The following ITIH6 variants were observed in gnomAD, a reference collection of about 807,000 sequenced individuals.
ITIH6 encodes inter-alpha-trypsin inhibitor heavy chain H6.
In ITIH6, 60 loss-of-function variants were observed where a neutral mutation model predicts 58.2. That is an observed-to-expected ratio of 1.03 (90% CI 0.84 to 1.28). The LOEUF is 1.28. ITIH6 is among the 50% of genes most tolerant of loss of function. The probability of loss-of-function intolerance (pLI) is 0.00; values close to 1 mark genes in which losing one functional copy is unlikely to be tolerated. For synonymous variants in ITIH6, 493 were observed against 417.4 expected (o/e 1.18, Z -2.21); for missense variants, 1,290 against 1,021.1 (o/e 1.26, Z -3.59).
At chrX:54,775,184 A>G (rs1283588561) in intron 5 of ITIH6, among the ~76,000 whole-genome samples, 1 of 111,790 alleles carries the variant, frequency 8.9e-6, no homozygotes, top group Non-Finnish European at 1.9e-5. Context: ...TGTCACCCAC[A>G]TTACAACTGC....
Position 54,758,998 on chromosome X carries a change from C to A in ITIH6, c.1076G>T (p.Trp359Leu). 1 of 1,138,708 alleles carries A rather than the reference C, an allele frequency of 8.8e-7. No individual in the cohort carries two copies. The highest frequency in any genetic ancestry group is 1.2e-6 in the Non-Finnish European group (1 of 853,351). The allele number at this position is 1,138,708 out of a possible 1,213,427, so 93.8% of individuals were successfully genotyped here. The change falls in exon 8 of 13, where the codon TGG becomes TTG. Residue 359 changes from tryptophan (W) to leucine (L), a missense_variant and splice_region_variant. Trp to Leu is a moderately conservative substitution (Grantham distance 61). Transcript: ENST00000218436. ...DYLHCMEADG[W>L]TDVNSALLAA... is the part of the protein sequence containing the mutation. ...CAGCAGAGCTGAGTTGACGTCTGTC[C>A]CTAATTGGGGAATAGATTGTGAGAC...
chrX:54,751,837 A>C (rs1928369154), intron 11 of ITIH6, among the ~76,000 whole-genome samples: 1 of 111,744 alleles, frequency 8.9e-6, no homozygotes, highest in South Asian at 3.7e-4. Context: ...TGATGTGTAT[A>C]TGGAGTGTCA....
At position 54,792,023 on chromosome X, in the gene ITIH6, T is replaced by C. The variant is rs183201894; in HGVS notation, c.271A>G (p.Lys91Glu). Residue 91 changes from lysine (K) to glutamate (E), a missense_variant, in exon 3 of 13, where the codon AAA (lysine) becomes GAA (glutamate). Transcript: ENST00000218436. The part of the protein sequence containing the change: ...ISNFTMTINN[K>E]VYIAEVKEKH... ...TCTTTGACTTCTGCAATGTAGACTT[T>C]ATTGTTGATGGTCCTAATGGGGCAG... The C allele has an allele frequency of 1.6e-4, 187 of 1,198,697 alleles. No individual in the cohort carries two copies. Among genetic ancestry groups the C allele is most frequent in the Middle Eastern group, 2.3e-4 (1 of 4,317 alleles).
intron 8 of ITIH6, 122 bp from the exon 9 acceptor site, chrX:54,755,231 A>G: frequency 1.9e-6 from 1 of 521,497 alleles, no homozygotes; most frequent in Non-Finnish European, 3.3e-6. Context: ...CAGGACTGGG[A>G]CCTTATGCTC....
chrX:54,757,573 C>T lies in ITIH6; in HGVS notation c.2501G>A (p.Arg834Gln), dbSNP rs150010553. 21 of 1,207,975 alleles carry T rather than the reference C, an allele frequency of 1.7e-5. No individual in the cohort carries two copies. Among genetic ancestry groups the T allele is most frequent in the Non-Finnish European group, 2.2e-5 (20 of 894,509 alleles). The stretch of plus-strand genomic sequence containing the variant: ...AGGCCCCAGGTGTGGCATGTTGTTT[C>T]GGGTCTTGGGAGCAGGAACCCTAGG... ...TRPRVPAPKT[R>Q]NNMPHLGPGI... The change falls in exon 8 of 13, where the codon CGA becomes CAA. Residue 834 changes from arginine (R) to glutamine (Q), a missense_variant. Coordinates refer to ENST00000218436, the MANE Select transcript of ITIH6 (RefSeq NM_198510.3).
chrX:54,781,557 G>A (rs1178233415), intron 5 of ITIH6, among the ~76,000 whole-genome samples: 2 of 112,144 alleles, frequency 1.8e-5, no homozygotes, highest in Non-Finnish European at 3.8e-5. Flanking sequence ...AGTCAGAATG[G>A]CTACTGTTAA....
intron 6 of ITIH6, among the ~76,000 whole-genome samples, chrX:54,766,243 C>A (rs1445551013): frequency 9.4e-6 from 1 of 105,861 alleles, no homozygotes; most frequent in Non-Finnish European, 1.9e-5. Context: ...GATTTTGTAT[C>A]CTGAGACTTT....
intron 6 of ITIH6, among the ~76,000 whole-genome samples, chrX:54,770,580 C>G (rs1315842470): frequency 8.9e-6 from 1 of 112,439 alleles, no homozygotes; most frequent in Non-Finnish European, 1.9e-5. Context: ...AATCCACTTT[C>G]AAATAACACT....
At chrX:54,791,816 C>T in intron 3 of ITIH6, 110 bp downstream of exon 3, 1 of 460,567 alleles carries the variant, frequency 2.2e-6, no homozygotes, top group Non-Finnish European at 3.9e-6. Flanking sequence ...AAGTAGAGGT[C>T]ATGTCCCCAC....
At position 54,750,247 on chromosome X, in the gene ITIH6, T is replaced by G. The variant is rs767192000; in HGVS notation, c.3731-141A>C. The G allele has an allele frequency of 4.5e-4, 222 of 490,035 alleles. 2 individuals are homozygous for G. In the African/African-American group the frequency reaches 4.6e-3, roughly 10 times the overall value. 40.4% of individuals were successfully genotyped at this position (490,035 alleles called of 1,213,427 possible). A position where few individuals can be genotyped will look rare whatever the true frequency, so the allele number is the denominator to read the frequency against. ...AGCAAAAGACCAGAGGGAAGAGGCT[T>G]GGCATTGTGGGAACTGTACAGGAGC... On this transcript the variant is annotated intron_variant, in intron 12 of 12. Transcript: ENST00000218436.
chrX:54,793,095 G>A (rs890816365), intron 2 of ITIH6, among the ~76,000 whole-genome samples: 17 of 110,992 alleles, frequency 1.5e-4, no homozygotes, highest in African/African-American at 5.6e-4. Flanking sequence ...CTCCAGTGTG[G>A]ACTTGTGCCC....
intron 6 of ITIH6, among the ~76,000 whole-genome samples, chrX:54,765,184 C>A (rs1425222754): frequency 2.2e-5 from 1 of 45,459 alleles, no homozygotes; most frequent in Admixed American, 3.1e-4. Flanking sequence ...GAGTAGGTTG[C>A]GAAAATTTTC....
At position 54,757,432 on chromosome X, in the gene ITIH6, A is replaced by G. The variant is rs764812369; in HGVS notation, c.2642T>C (p.Met881Thr). The G allele has an allele frequency of 8.3e-7, 1 of 1,210,196 alleles. No homozygotes were observed. ...LSKPETPNPH[M>T]PQTPLPPRPD... The stretch of plus-strand genomic sequence containing the variant: ...TCTAGGAGGTAGTGGGGTTTGAGGC[A>G]TATGGGGGTTTGGGGTCTCAGGCTT... Residue 881 changes from methionine to threonine, a missense_variant, in exon 8 of 13, where the codon ATG becomes ACG. Physicochemically the swap from Met to Thr is moderately conservative, Grantham distance 81 (BLOSUM62 -1). Coordinates refer to ENST00000218436, the MANE Select transcript of ITIH6 (RefSeq NM_198510.3).
Position 54,750,993 on chromosome X carries a change from C to T in ITIH6, c.3730+10G>A. On this transcript the variant is annotated intron_variant, in intron 12 of 12. Transcript: ENST00000218436. ...GCTCCCTGGCCCCTCTCAGCCTCAGCTGCACTTACCTATCAGGCCACGGGC... is the reference window on the plus strand; with the variant it reads ...GCTCCCTGGCCCCTCTCAGCCTCAGTTGCACTTACCTATCAGGCCACGGGC... 1 of 1,139,362 alleles carries T rather than the reference C, an allele frequency of 8.8e-7. No individual in the cohort carries two copies. The highest frequency in any genetic ancestry group is 2.1e-5 in the South Asian group (1 of 47,457). The allele number at this position is 1,139,362 out of a possible 1,213,427, so 93.9% of individuals were successfully genotyped here.
chrX:54,786,966 G>A (rs1436334201), intron 5 of ITIH6, among the ~76,000 whole-genome samples: 1 of 111,668 alleles, frequency 9.0e-6, no homozygotes, highest in Non-Finnish European at 1.9e-5. Context: ...AGTGGGGGAT[G>A]AACTGAGTGT....
intron 6 of ITIH6, among the ~76,000 whole-genome samples, chrX:54,767,896 G>A (rs1392021222): frequency 1.3e-5 from 1 of 74,642 alleles, no homozygotes; most frequent in Admixed American, 1.5e-4. Context: ...TTCTGTAGAT[G>A]TCTATTAGGT....
At chrX:54,753,869 A>T in intron 10 of ITIH6, 61 bp downstream of exon 10, 1 of 1,145,112 alleles carries the variant, frequency 8.7e-7, no homozygotes, top group African/African-American at 1.8e-5. Flanking sequence ...CCCCAGCCCC[A>T]GTCCCAGTGC....
chrX:54,753,819 G>A (rs1299627075), intron 10 of ITIH6, 55 bp from the exon 11 acceptor site: 1 of 1,115,947 alleles, frequency 9.0e-7, no homozygotes, highest in Non-Finnish European at 1.2e-6. Flanking sequence ...AAGGGAGAGG[G>A]AAAGAGAGAG....
chrX:54,758,125 G>A lies in ITIH6; in HGVS notation c.1949C>T (p.Pro650Leu). 8.3e-7 allele frequency: 1 copy of A among 1,211,815 alleles called. No individual in the cohort carries two copies. Among genetic ancestry groups the A allele is most frequent in the Non-Finnish European group, 1.1e-6 (1 of 895,467 alleles). ...RHGLGVSTAQ[P>L]ALVPKVISPK... Reference sequence around the variant, plus strand: ...GGAGATGACCTTGGGCACCAAGGCTGGCTGAGCTGTGCTTACCCCTAGGCC... The same window carrying A: ...GGAGATGACCTTGGGCACCAAGGCTAGCTGAGCTGTGCTTACCCCTAGGCC... The change falls in exon 8 of 13, where the codon CCA (proline) becomes CTA (leucine). Residue 650 changes from proline to leucine, a missense_variant. Pro to Leu is a moderately conservative substitution (Grantham distance 98, BLOSUM62 -3). Coordinates refer to ENST00000218436, the MANE Select transcript of ITIH6 (RefSeq NM_198510.3).
Sources: gnomAD v4.1 joint callset for allele counts (sites outside exome capture counted in the v4.1 genomes callset) on GRCh38, gnomAD v4.1.1 for gene constraint, MANE v1.5 for transcripts, NCBI Gene and HGNC (gene_info 2026-07-23, HGNC 2026-07-21) for gene names.